ROBO1: variants seen among roughly 807,000 people sequenced by gnomAD.
ROBO1 encodes roundabout homolog 1.
Under a neutral mutation model 195.9 loss-of-function variants are expected in ROBO1, and 149 were observed. The observed-to-expected ratio is 0.76, with a 90% confidence interval of 0.67 to 0.87. The LOEUF is 0.87. Among genes scored for constraint, ROBO1 ranks in the 40% least tolerant of loss-of-function variants. ROBO1 has a pLI of 0.00. For synonymous variants in ROBO1, 816 were observed against 733.2 expected (o/e 1.11, Z -1.82); for missense variants, 1,933 against 2,068.3 (o/e 0.93, Z 1.27).
chr3:78,640,832 T>G (rs1426117419), intron 21 of ROBO1, among the ~76,000 whole-genome samples: 1 of 152,154 alleles, frequency 6.6e-6, no homozygotes, highest in African/African-American at 2.4e-5. Flanking sequence ...CTGCAAAGAT[T>G]TTCTTGGTGG....
intron 8 of ROBO1, among the ~76,000 whole-genome samples, chr3:78,711,270 CCTTTCTTT>C (rs369944653): frequency 6.0e-5 from 9 of 150,460 alleles, no homozygotes; most frequent in Non-Finnish European, 1.0e-4. Flanking sequence ...TCTCTTTCTT[CCTTTCTTT>C]CTTTCCCTTT....
chr3:79,459,615 A>C (rs1033300025), intron 2 of ROBO1, among the ~76,000 whole-genome samples: 4 of 152,126 alleles, frequency 2.6e-5, no homozygotes, highest in Admixed American at 6.5e-5. Context: ...AATTAGAAAA[A>C]AGAATATATT....
chr3:79,699,964 T>C (rs1164562138), intron 1 of ROBO1, among the ~76,000 whole-genome samples: 1 of 151,624 alleles, frequency 6.6e-6, no homozygotes, highest in Non-Finnish European at 1.5e-5. Context: ...TACAAATAGT[T>C]TTTCAGCCCT....
chr3:78,732,342 C>T (rs965756921), intron 5 of ROBO1, among the ~76,000 whole-genome samples: 1 of 152,024 alleles, frequency 6.6e-6, no homozygotes, highest in Non-Finnish European at 1.5e-5. Flanking sequence ...CAGCACACCC[C>T]ATATTTAAGC....
chr3:79,565,168 C>G (rs1943050753), intron 2 of ROBO1, among the ~76,000 whole-genome samples: 2 of 152,022 alleles, frequency 1.3e-5, no homozygotes, highest in African/African-American at 4.8e-5. Context: ...TAGAAAAAAG[C>G]ATTACACATT....
At chr3:78,893,810 G>A (rs1203699492) in intron 4 of ROBO1, among the ~76,000 whole-genome samples, 1 of 151,994 alleles carries the variant, frequency 6.6e-6, no homozygotes, top group Admixed American at 6.6e-5. Context: ...TTTTATGATA[G>A]ATTTTCCTCT....
intron 2 of ROBO1, among the ~76,000 whole-genome samples, chr3:79,559,842 G>C (rs1326152471): frequency 6.6e-6 from 1 of 152,026 alleles, no homozygotes; most frequent in South Asian, 2.1e-4. Context: ...GCTTGAACCC[G>C]GGAGGTGGAG....
At chr3:78,675,349 C>G (rs188554193) in intron 10 of ROBO1, among the ~76,000 whole-genome samples, 7 of 152,162 alleles carry the variant, frequency 4.6e-5, no homozygotes, top group South Asian at 2.1e-4. Context: ...GTTCGCGAGC[C>G]GAAGCAGGGC....
chr3:79,719,254 C>T (rs1298700584), intron 1 of ROBO1, among the ~76,000 whole-genome samples: 1 of 151,900 alleles, frequency 6.6e-6, no homozygotes, highest in East Asian at 1.9e-4. Flanking sequence ...CAAAATTATG[C>T]CTAAGCAGTC....
intron 10 of ROBO1, among the ~76,000 whole-genome samples, chr3:78,672,698 A>C (rs978200381): frequency 6.6e-6 from 1 of 152,208 alleles, no homozygotes; most frequent in Non-Finnish European, 1.5e-5. Context: ...AGTAGAATAA[A>C]ATACTCGTAA....
At chr3:79,004,119 T>A (rs2108155200) in intron 3 of ROBO1, among the ~76,000 whole-genome samples, 1 of 152,310 alleles carries the variant, frequency 6.6e-6, no homozygotes, top group East Asian at 1.9e-4. Flanking sequence ...CAAATATAAC[T>A]GTTGAGTGCC....
In ROBO1 at chr3:79,644,240, A is replaced by C. The variant is rs192014502; in HGVS notation, c.-50-54279T>G. On this transcript the variant is annotated intron_variant, in intron 1 of 30. Transcript: ENST00000464233. ...TTAATAGATATAAAGGAAAAGGTAG[A>C]CTACAATACAGTAAATGTAGGGAGT... 2.6e-3 allele frequency among the ~76,000 whole-genome samples: 392 copies of C among 152,278 alleles called. 5 individuals carry two copies. The highest frequency in any genetic ancestry group is 8.2e-3 in the African/African-American group (340 of 41,562).
rs1258103219 is a variant in ROBO1 at position 78,610,278 on chromosome 3, A to G, written c.4436-3237T>C. Reference sequence around the variant, plus strand: ...CAGATTTTTCAAAAAATAATACATAAAAATAACTACTATGATGTCCCCTCC... The same window carrying G: ...CAGATTTTTCAAAAAATAATACATAGAAATAACTACTATGATGTCCCCTCC... On this transcript the variant is annotated intron_variant, in intron 28 of 30. Coordinates refer to ENST00000464233, the MANE Select transcript of ROBO1 (RefSeq NM_002941.4). Among the ~76,000 whole-genome samples the G allele has an allele frequency of 2.6e-5, 4 of 152,168 alleles. No individual in the cohort carries two copies. The East Asian group carries it at 7.7e-4, about 29-fold the overall frequency.
intron 4 of ROBO1, among the ~76,000 whole-genome samples, chr3:78,819,266 TTTTC>T (rs1364650894): frequency 4.0e-5 from 6 of 151,272 alleles, no homozygotes; most frequent in Admixed American, 2.0e-4. Flanking sequence ...ATTTAGTGCT[TTTTC>T]TTTATGATTA....
At chr3:78,949,921 C>T (rs2040679240) in intron 3 of ROBO1, among the ~76,000 whole-genome samples, 1 of 152,208 alleles carries the variant, frequency 6.6e-6, no homozygotes, top group African/African-American at 2.4e-5. Flanking sequence ...TGCTCATCAT[C>T]ACTGGCCATC....
At chr3:79,531,334 T>A (rs1353550202) in intron 2 of ROBO1, among the ~76,000 whole-genome samples, 1 of 152,260 alleles carries the variant, frequency 6.6e-6, no homozygotes, top group East Asian at 1.9e-4. Context: ...AACATTACAT[T>A]ACATTGGCCA....
chr3:79,436,414 G>A (rs2107085284), intron 2 of ROBO1, among the ~76,000 whole-genome samples: 1 of 152,010 alleles, frequency 6.6e-6, no homozygotes, highest in Non-Finnish European at 1.5e-5. Flanking sequence ...CTTTACCAGG[G>A]AACTCAACTT....
chr3:79,283,837 A>G (rs1205517229), intron 2 of ROBO1, among the ~76,000 whole-genome samples: 2 of 151,506 alleles, frequency 1.3e-5, no homozygotes, highest in African/African-American at 4.9e-5. Context: ...AGCTGGGACT[A>G]CAGGCGCCCG....
At chr3:79,550,202 A>AAAGAAAGAAAGAAAGG (rs61662697) in intron 2 of ROBO1, among the ~76,000 whole-genome samples, 4 of 103,136 alleles carry the variant, frequency 3.9e-5, no homozygotes, top group African/African-American at 1.8e-4. Context: ...AAAGGAAAAG[A>AAAGAAAGAAAGAAAGG]AAAGAAAAGA....
Sources: gnomAD v4.1 joint callset for allele counts (sites outside exome capture counted in the v4.1 genomes callset) on GRCh38, gnomAD v4.1.1 for gene constraint, MANE v1.5 for transcripts, NCBI Gene and HGNC (gene_info 2026-07-23, HGNC 2026-07-21) for gene names.